SEC24D: variants seen among roughly 807,000 people sequenced by gnomAD.
The protein encoded by SEC24D is protein transport protein Sec24D.
In SEC24D, 69 loss-of-function variants were observed where a neutral mutation model predicts 116.9. The observed-to-expected ratio is 0.59, with a 90% CI of 0.49 to 0.72. The LOEUF (loss-of-function observed/expected upper bound fraction) is 0.72. SEC24D is among the 30% of genes least tolerant of loss of function. The pLI, the probability that SEC24D is intolerant of heterozygous loss-of-function variation, is 0.00. For missense variants in SEC24D, 1,131 were observed against 1,264.1 expected (o/e 0.89, Z 1.60); for synonymous variants, 405 against 442.8 (o/e 0.91, Z 1.07).
At chr4:118,763,492 T>G (rs1237795339) in intron 10 of SEC24D, among the ~76,000 whole-genome samples, 1 of 152,174 alleles carries the variant, frequency 6.6e-6, no homozygotes, top group Non-Finnish European at 1.5e-5. Context: ...AATTGGGCAT[T>G]AGTAGGCACT....
intron 22 of SEC24D, among the ~76,000 whole-genome samples, chr4:118,726,332 G>T (rs566324239): frequency 1.3e-5 from 2 of 152,306 alleles, no homozygotes; most frequent in East Asian, 1.9e-4. Flanking sequence ...AGGAGCAGGG[G>T]ATGTTTTGAA....
intron 1 of SEC24D, among the ~76,000 whole-genome samples, chr4:118,834,458 T>G (rs989160764): frequency 3.9e-5 from 6 of 152,194 alleles, no homozygotes; most frequent in African/African-American, 1.4e-4. Context: ...GGCACACACA[T>G]CACAAATATA....
Position 118,768,184 on chromosome 4 carries a change from C to T in SEC24D, c.1169G>A (p.Cys390Tyr). 1 of 1,613,348 alleles carries T rather than the reference C, an allele frequency of 6.2e-7. No homozygotes were observed. Among genetic ancestry groups the T allele is most frequent in the South Asian group, 1.1e-5 (1 of 90,936 alleles). Residue 390 changes from cysteine to tyrosine, a missense_variant, in exon 9 of 23, where the codon TGT becomes TAT. By Grantham distance (194) the Cys-to-Tyr change is radical (BLOSUM62 -2). Transcript: ENST00000280551. Reference protein sequence around the residue: ...GRRYQCGFCNCVNDVPPFYFQ... With the variant: ...GRRYQCGFCNYVNDVPPFYFQ... ...ATGGCACTGCTTACCATCATTCACA[C>T]AGTTGCAAAATCCACACTGATATCT...
intron 6 of SEC24D, among the ~76,000 whole-genome samples, chr4:118,812,764 C>A (rs1445136210): frequency 6.6e-6 from 1 of 152,176 alleles, no homozygotes; most frequent in Non-Finnish European, 1.5e-5. Flanking sequence ...AAGGCAAAAA[C>A]CTGGGATACA....
intron 4 of SEC24D, among the ~76,000 whole-genome samples, chr4:118,816,466 A>C (rs2110525786): frequency 6.6e-6 from 1 of 152,314 alleles, no homozygotes; most frequent in South Asian, 2.1e-4. Context: ...AAATTTCAGA[A>C]TTAGGTAGAA....
chr4:118,756,976 G>A (rs770858643), intron 11 of SEC24D, among the ~76,000 whole-genome samples: 1 of 152,070 alleles, frequency 6.6e-6, no homozygotes, highest in Non-Finnish European at 1.5e-5. Flanking sequence ...AAACAAATCT[G>A]GTTGTTTTTT....
At chr4:118,791,798 T>A (rs915706268) in intron 8 of SEC24D, among the ~76,000 whole-genome samples, 2 of 152,198 alleles carry the variant, frequency 1.3e-5, no homozygotes, top group Non-Finnish European at 2.9e-5. Flanking sequence ...AGTGCCGGGA[T>A]TGCAGACGGA....
At chr4:118,732,935 T>C (rs754829589) in intron 19 of SEC24D, 23 bp from the exon 20 acceptor site, 1 of 1,598,782 alleles carries the variant, frequency 6.3e-7, no homozygotes, top group South Asian at 1.1e-5. Context: ...ATTTTTTGTT[T>C]CATACGCTTG....
intron 7 of SEC24D, among the ~76,000 whole-genome samples, chr4:118,804,885 T>TACACACACACACACACACACACACAC (rs71954957): frequency 7.1e-6 from 1 of 140,910 alleles, no homozygotes. Context: ...TATGCATGCA[T>TACACACACACACACACACACACACAC]ACACACACAC....
rs191059452 is a variant in SEC24D, at chr4:118,783,148, C to T, written c.1041+14535G>A. Reference sequence around the variant, plus strand: ...CAGTCCTAATGAGATGAACCAGGTACCTCAGTTGGAAATGCAGAAATCACC... The same window carrying T: ...CAGTCCTAATGAGATGAACCAGGTATCTCAGTTGGAAATGCAGAAATCACC... On this transcript the variant is annotated intron_variant, in intron 8 of 22. Coordinates refer to ENST00000280551, the MANE Select transcript of SEC24D (RefSeq NM_014822.4). Among the ~76,000 whole-genome samples, 645 of 152,332 alleles carry T rather than the reference C, an allele frequency of 4.2e-3. 5 individuals are homozygous for T. Among genetic ancestry groups the T allele is most frequent in the African/African-American group, 0.015 (621 of 41,574 alleles).
intron 21 of SEC24D, chr4:118,729,351 G>T: frequency 6.6e-6 from 1 of 152,260 alleles, no homozygotes; most frequent in South Asian, 2.1e-4. Context: ...TTCAGCATCT[G>T]TTAATTTATA....
rs1731078219 is a variant in SEC24D at position 118,835,936 on chromosome 4, T to A, written c.-42+5A>T. ...ATGAAGGCGTCCGCGGGTGGGAGGC[T>A]TTACCTGTTCCCGCTCCCGCACCCC... On this transcript the variant is annotated splice_donor_5th_base_variant and intron_variant, in intron 1 of 22. Transcript: ENST00000280551. The A allele has an allele frequency of 6.6e-6, 1 of 152,242 alleles. No individual in the cohort carries two copies. The highest frequency in any genetic ancestry group is 1.9e-4 in the East Asian group (1 of 5,184). 9.4% of individuals were successfully genotyped at this position (152,242 alleles called of 1,614,324 possible). A position where few individuals can be genotyped will look rare whatever the true frequency, so the allele number is the denominator to read the frequency against.
intron 7 of SEC24D, among the ~76,000 whole-genome samples, chr4:118,800,206 G>A (rs999048470): frequency 1.3e-5 from 2 of 152,278 alleles, no homozygotes; most frequent in South Asian, 2.1e-4. Context: ...AGAAAGATGC[G>A]AGAGAAGGTG....
At position 118,810,132 on chromosome 4, in the gene SEC24D, GTGTGT is replaced by G. The variant is rs1560737294; in HGVS notation, c.802-4183_802-4179del. 2.0e-3 allele frequency among the ~76,000 whole-genome samples: 253 copies of G among 123,606 alleles called. 11 individuals are homozygous for G. Among genetic ancestry groups the G allele is most frequent in the Middle Eastern group, 0.013 (3 of 236 alleles). The allele number at this position is 123,606 out of a possible 152,430, so 81.1% of individuals were successfully genotyped here. ...TGTGTGTGTGTGTGTGTGTGTGTGT[GTGTGT>G]CAGAGGGTATAGGGGAGCCAGGGGT... On this transcript the variant is annotated intron_variant, in intron 6 of 22. Coordinates refer to ENST00000280551, the MANE Select transcript of SEC24D (RefSeq NM_014822.4).
chr4:118,752,298 T>C (rs983140306), intron 12 of SEC24D, among the ~76,000 whole-genome samples: 1 of 152,214 alleles, frequency 6.6e-6, no homozygotes, highest in Non-Finnish European at 1.5e-5. Context: ...AAATCATTCT[T>C]TGTAGATATT....
intron 8 of SEC24D, among the ~76,000 whole-genome samples, chr4:118,786,585 A>G (rs1189898919): frequency 6.6e-6 from 1 of 152,230 alleles, no homozygotes; most frequent in Non-Finnish European, 1.5e-5. Context: ...AGAGACACCA[A>G]ACCTTCCAGG....
At chr4:118,814,951 C>A in intron 6 of SEC24D, 77 bp downstream of exon 6, 2 of 1,493,054 alleles carry the variant, frequency 1.3e-6, no homozygotes, top group South Asian at 1.2e-5. Context: ...AGGATAAATG[C>A]TAACAAACTG....
At chr4:118,739,510 T>G (rs1378534348) in intron 17 of SEC24D, among the ~76,000 whole-genome samples, 1 of 152,182 alleles carries the variant, frequency 6.6e-6, no homozygotes, top group Non-Finnish European at 1.5e-5. Context: ...ACTTCACTGG[T>G]TTAAATTGTT....
At chr4:118,773,331 A>C (rs1234694851) in intron 8 of SEC24D, among the ~76,000 whole-genome samples, 1 of 152,210 alleles carries the variant, frequency 6.6e-6, no homozygotes, top group Non-Finnish European at 1.5e-5. Context: ...TAAGATGAGA[A>C]GATTTAAGAT....
Sources: allele counts gnomAD v4.1 joint callset (sites outside exome capture counted in the v4.1 genomes callset), GRCh38; gene constraint gnomAD v4.1.1; transcripts MANE v1.5; gene names NCBI Gene and HGNC (gene_info 2026-07-23, HGNC 2026-07-21).